Variants in DEPDC1B observed in about 807,000 individuals in gnomAD.
DEPDC1B encodes DEP domain-containing protein 1B.
Under a neutral mutation model 66.5 loss-of-function variants are expected in DEPDC1B, and 51 were observed. The observed-to-expected ratio is 0.77, with a 90% CI of 0.61 to 0.97. The LOEUF is 0.97. Among genes scored for constraint, DEPDC1B ranks in the 50% least tolerant of loss-of-function variants. The pLI, the probability that DEPDC1B is intolerant of heterozygous loss-of-function variation, is 0.00. For missense variants in DEPDC1B, 552 were observed against 637.1 expected (o/e 0.87, Z 1.44); for synonymous variants, 226 against 223.6 (o/e 1.01, Z -0.10).
intron 2 of DEPDC1B, among the ~76,000 whole-genome samples, chr5:60,662,418 G>A (rs555162363): frequency 6.6e-6 from 1 of 152,090 alleles, no homozygotes; most frequent in East Asian, 1.9e-4. Context: ...GTCTGCCGTA[G>A]GCCCAGAGCA....
At chr5:60,693,791 T>G (rs1282539808) in intron 1 of DEPDC1B, among the ~76,000 whole-genome samples, 1 of 152,122 alleles carries the variant, frequency 6.6e-6, no homozygotes, top group Non-Finnish European at 1.5e-5. Flanking sequence ...TTTTAATACA[T>G]GCCCTGATAC....
At chr5:60,690,739 TTTTGTTTGTTTTGCTTG>T (rs1754523770) in intron 1 of DEPDC1B, among the ~76,000 whole-genome samples, 1 of 152,240 alleles carries the variant, frequency 6.6e-6, no homozygotes, top group Admixed American at 6.5e-5. Context: ...CAGAGTTGTT[TTTTGTTTGTTTTGCTTG>T]TTTGTTTGTT....
intron 7 of DEPDC1B, among the ~76,000 whole-genome samples, chr5:60,623,613 CATCTT>C (rs1305787041): frequency 6.6e-6 from 1 of 152,140 alleles, no homozygotes; most frequent in Non-Finnish European, 1.5e-5. Flanking sequence ...GAAGAATTGA[CATCTT>C]ATCAATATTG....
chr5:60,680,037 G>C (rs567170895), intron 2 of DEPDC1B, among the ~76,000 whole-genome samples: 1 of 152,224 alleles, frequency 6.6e-6, no homozygotes, highest in Admixed American at 6.5e-5. Context: ...GATCAGAGGA[G>C]ATCATAAAGA....
intron 2 of DEPDC1B, among the ~76,000 whole-genome samples, chr5:60,667,615 A>AAAAAATGGATATTTTACATATATG (rs1561383825): frequency 9.3e-5 from 13 of 140,114 alleles, no homozygotes; most frequent in Non-Finnish European, 1.8e-4. Context: ...ACATATATAT[A>AAAAAATGGATATTTTACATATATG]AAAAATGGAT....
Position 60,644,842 on chromosome 5 carries a change from T to G in DEPDC1B, c.612A>C (p.Glu204Asp), listed in dbSNP as rs757931727. The G allele has an allele frequency of 1.2e-6, 2 of 1,610,154 alleles. No individual in the cohort carries two copies. The highest frequency in any genetic ancestry group is 8.5e-7 in the Non-Finnish European group (1 of 1,177,790). ...TGACAAGTTTGACGTCTAAAACTTCTTCTAAGGAATCCAGGCCAAGAATTT... is the reference window on the plus strand; with the variant it reads ...TGACAAGTTTGACGTCTAAAACTTCGTCTAAGGAATCCAGGCCAAGAATTT... Reference protein sequence around the residue: ...LQKILGLDSLEEVLDVKLVNS... With the variant: ...LQKILGLDSLDEVLDVKLVNS... Residue 204 changes from glutamate (E) to aspartate (D), a missense_variant, in exon 5 of 11, where the codon GAA (glutamate) becomes GAC (aspartate). By Grantham distance (45) the Glu-to-Asp change is conservative. Transcript: ENST00000265036.
At position 60,603,373 on chromosome 5, in the gene DEPDC1B, T is replaced by C. The variant is rs1752240310; in HGVS notation, c.1242+18A>G. ...TATATTGCCAATTTCATAGAACTGA[T>C]AATATCCTCTCCTTTACCTGGACTC... On this transcript the variant is annotated intron_variant, in intron 9 of 10. Transcript: ENST00000265036. The C allele has an allele frequency of 6.5e-7, 1 of 1,529,560 alleles. No individual in the cohort carries two copies. The highest frequency in any genetic ancestry group is 2.3e-5 in the Admixed American group (1 of 42,758). The allele number at this position is 1,529,560 out of a possible 1,614,324, so 94.7% of individuals were successfully genotyped here. A position where few individuals can be genotyped will look rare whatever the true frequency, so the allele number is the denominator to read the frequency against.
intron 1 of DEPDC1B, among the ~76,000 whole-genome samples, chr5:60,699,443 G>GAAACAAAAAAAAAA: frequency 1.1e-5 from 1 of 89,380 alleles, no homozygotes; most frequent in Non-Finnish European, 2.0e-5. Flanking sequence ...TTTTCTCCCA[G>GAAACAAAAAAAAAA]AAAAAAAAAA....
intron 2 of DEPDC1B, among the ~76,000 whole-genome samples, chr5:60,659,162 G>C (rs1753647550): frequency 6.6e-6 from 1 of 152,166 alleles, no homozygotes; most frequent in Non-Finnish European, 1.5e-5. Flanking sequence ...ATGAGGCCAA[G>C]AACCCCTGGT....
At chr5:60,602,283 G>A (rs1752217370) in intron 9 of DEPDC1B, among the ~76,000 whole-genome samples, 1 of 150,820 alleles carries the variant, frequency 6.6e-6, no homozygotes, top group South Asian at 2.1e-4. Flanking sequence ...TACTGACTAT[G>A]AACATTTTAG....
chr5:60,645,631 G>C lies in DEPDC1B; in HGVS notation c.451-12C>G, dbSNP rs370367699. 1 of 1,598,632 alleles carries C rather than the reference G, an allele frequency of 6.3e-7. No individual in the cohort carries two copies. The highest frequency in any genetic ancestry group is 8.5e-7 in the Non-Finnish European group (1 of 1,172,948). On this transcript the variant is annotated splice_polypyrimidine_tract_variant and intron_variant, in intron 3 of 10. Transcript: ENST00000265036. ...CACATCTCAGAATTCTAATGGAGGGGGGATGTAAGAAGGGAGGGAAGGAGA... is the reference window on the plus strand; with the variant it reads ...CACATCTCAGAATTCTAATGGAGGGCGGATGTAAGAAGGGAGGGAAGGAGA...
At chr5:60,699,867 CG>C (rs1389979824) in intron 1 of DEPDC1B, among the ~76,000 whole-genome samples, 178 bp downstream of exon 1, 1 of 152,230 alleles carries the variant, frequency 6.6e-6, no homozygotes, top group Non-Finnish European at 1.5e-5. Context: ...CTCTGGGCCC[CG>C]TTAGCCTTTC....
At position 60,597,020 on chromosome 5, in the gene DEPDC1B, A is replaced by T. The variant is rs933822058; in HGVS notation, c.*733T>A. The stretch of plus-strand genomic sequence containing the variant: ...ATTTTATTTAACCCATTTGCATTTG[A>T]CTTAGAATCAGAGGTCTAAGGGTAC... On this transcript the variant is annotated 3_prime_UTR_variant, in exon 11 of 11. Transcript: ENST00000265036. 1 of 152,624 alleles carries T rather than the reference A, an allele frequency of 6.6e-6. No homozygotes were observed. The highest frequency in any genetic ancestry group is 2.4e-5 in the African/African-American group (1 of 41,444). The allele number at this position is 152,624 out of a possible 1,614,324, so 9.5% of individuals were successfully genotyped here.
In DEPDC1B at chr5:60,665,580, C is replaced by T. The variant is rs557361659; in HGVS notation, c.315-18047G>A. On this transcript the variant is annotated intron_variant, in intron 2 of 10. Coordinates refer to ENST00000265036, the MANE Select transcript of DEPDC1B (RefSeq NM_018369.3). ...GATGTTAATGATATTGAAGGCACCCCTCCCAAGGAAATCTCAACTGCATGA... is the reference window on the plus strand; with the variant it reads ...GATGTTAATGATATTGAAGGCACCCTTCCCAAGGAAATCTCAACTGCATGA... Among the ~76,000 whole-genome samples, 10 of 152,298 alleles carry T rather than the reference C, an allele frequency of 6.6e-5. No homozygotes were observed. In the South Asian group the frequency reaches 1.0e-3, roughly 16 times the overall value.
chr5:60,656,770 C>A (rs943635639), intron 2 of DEPDC1B, among the ~76,000 whole-genome samples: 1 of 152,126 alleles, frequency 6.6e-6, no homozygotes, highest in Non-Finnish European at 1.5e-5. Flanking sequence ...CTCAGGGGAA[C>A]AGCATGAGGA....
intron 2 of DEPDC1B, among the ~76,000 whole-genome samples, chr5:60,670,349 A>G (rs1156231038): frequency 3.3e-5 from 5 of 152,118 alleles, no homozygotes; most frequent in African/African-American, 1.2e-4. Flanking sequence ...ACTCCAGCCT[A>G]GGCAACAGAG....
chr5:60,684,842 G>A lies in DEPDC1B; in HGVS notation c.314+2120C>T, dbSNP rs186608088. On this transcript the variant is annotated intron_variant, in intron 2 of 10. Coordinates refer to ENST00000265036, the MANE Select transcript of DEPDC1B (RefSeq NM_018369.3). Reference sequence around the variant, plus strand: ...ATTTGAAAACTATTCATCCAACAAGGGACTAATATCCAGAATATACAAGGA... The same window carrying A: ...ATTTGAAAACTATTCATCCAACAAGAGACTAATATCCAGAATATACAAGGA... Among the ~76,000 whole-genome samples the A allele has an allele frequency of 4.0e-3, 606 of 151,962 alleles. 7 individuals are homozygous for A. The highest frequency in any genetic ancestry group is 0.014 in the African/African-American group (578 of 41,414).
chr5:60,678,323 A>T (rs116096047), intron 2 of DEPDC1B, among the ~76,000 whole-genome samples: 121 of 152,300 alleles, frequency 7.9e-4, no homozygotes, highest in African/African-American at 2.8e-3. Flanking sequence ...CCATTCACCC[A>T]TGGAAGAATG....
At chr5:60,618,123 G>T (rs949949369) in intron 7 of DEPDC1B, among the ~76,000 whole-genome samples, 1 of 152,132 alleles carries the variant, frequency 6.6e-6, no homozygotes, top group African/African-American at 2.4e-5. Context: ...AGAATCTCTG[G>T]GACACATTCA....
Sources: allele counts gnomAD v4.1 joint callset (sites outside exome capture counted in the v4.1 genomes callset), GRCh38; gene constraint gnomAD v4.1.1; transcripts MANE v1.5; gene names NCBI Gene and HGNC (gene_info 2026-07-23, HGNC 2026-07-21).